The following CECR2 variants were observed in gnomAD, a reference collection of about 807,000 sequenced individuals.
CECR2 encodes the protein CECR2 histone acetyl-lysine reader.
A neutral mutation model predicts 154.5 loss-of-function variants in CECR2; 30 were observed. The ratio of observed to expected loss-of-function variants is 0.19; its 90% CI spans 0.15 to 0.26. CECR2 has a LOEUF of 0.26. Ranked by LOEUF, CECR2 falls within the 10% of genes least tolerant of loss-of-function variation. CECR2 has a pLI of 1.00. For missense variants in CECR2, 1,743 were observed against 1,829.3 expected (o/e 0.95, Z 0.86); for synonymous variants, 725 against 683.7 (o/e 1.06, Z -0.94).
At chr22:17,386,808 G>A (rs1479392441) in intron 1 of CECR2, among the ~76,000 whole-genome samples, 4 of 151,900 alleles carry the variant, frequency 2.6e-5, no homozygotes, top group East Asian at 3.9e-4. Context: ...ATGCCACCAC[G>A]CCCAGCTAAT....
intron 1 of CECR2, among the ~76,000 whole-genome samples, chr22:17,382,837 G>A (rs191342985): frequency 9.2e-5 from 14 of 152,242 alleles, no homozygotes; most frequent in Middle Eastern, 3.4e-3. Context: ...TCCAGGAGGC[G>A]GAGGTTGCAA....
Position 17,537,198 on chromosome 22 carries a change from T to A in CECR2, c.1204T>A (p.Ser402Thr). The A allele has an allele frequency of 1.2e-6, 2 of 1,613,626 alleles. No individual in the cohort carries two copies. Among genetic ancestry groups the A allele is most frequent in the Non-Finnish European group, 1.7e-6 (2 of 1,179,800 alleles). Residue 402 changes from serine to threonine, a missense_variant, in exon 10 of 19, where the codon TCC (serine) becomes ACC (threonine). Physicochemically the swap from Ser to Thr is moderately conservative, Grantham distance 58 (BLOSUM62 1). Around this residue, in one of 4 missense-constraint regions of CECR2, gnomAD observed 292 missense variants for 301.2 expected, o/e 0.97. Transcript: ENST00000262608. ...AGAACTTTCCCATCTGGACCCCAAT[T>A]CCCCCATGAGAGAGGAAAAAAAGAC... ...PPELSHLDPN[S>T]PMREEKKTKD... is the part of the protein sequence containing the mutation.
chr22:17,416,351 A>G (rs1263088022), intron 1 of CECR2, among the ~76,000 whole-genome samples: 1 of 152,054 alleles, frequency 6.6e-6, no homozygotes, highest in East Asian at 1.9e-4. Context: ...CTATACCTTT[A>G]TTGTCACTGA....
chr22:17,498,300 A>G (rs1367409113), intron 3 of CECR2, among the ~76,000 whole-genome samples: 3 of 152,128 alleles, frequency 2.0e-5, no homozygotes, highest in African/African-American at 7.2e-5. Flanking sequence ...CTGAGGCAGG[A>G]GAATGGCATG....
intron 1 of CECR2, among the ~76,000 whole-genome samples, chr22:17,382,054 A>T (rs1475869941): frequency 1.8e-4 from 27 of 146,176 alleles, no homozygotes; most frequent in Non-Finnish European, 3.1e-4. Context: ...CGCCCTGCTA[A>T]TTTTTTTTTT....
At chr22:17,514,803 T>C (rs548460431) in intron 8 of CECR2, among the ~76,000 whole-genome samples, 1 of 151,928 alleles carries the variant, frequency 6.6e-6, no homozygotes, top group South Asian at 2.1e-4. Context: ...GGAGGCCGAG[T>C]TGGGCAGATC....
In CECR2 at chr22:17,428,447, AAT is replaced by A. The variant is rs1417264747; in HGVS notation, c.127-49140_127-49139del. The A allele has an allele frequency of 2.3e-4, 35 of 152,108 alleles. 1 individual carries two copies. The East Asian group carries it at 6.4e-3, about 28-fold the overall frequency. 9.4% of individuals were successfully genotyped at this position (152,108 alleles called of 1,614,324 possible). The stretch of plus-strand genomic sequence containing the variant: ...AGTACTTACACAATGGCGGTAATTT[AAT>A]TTTTGGTCATTCATTCTTCAAAGAT... On this transcript the variant is annotated intron_variant, in intron 1 of 18. Coordinates refer to ENST00000262608, the MANE Select transcript of CECR2 (RefSeq NM_001290047.2).
chr22:17,539,567 A>T (rs2056489206), intron 13 of CECR2, among the ~76,000 whole-genome samples: 1 of 152,130 alleles, frequency 6.6e-6, no homozygotes, highest in Non-Finnish European at 1.5e-5. Context: ...CCTAATGTAA[A>T]TGACGAGTTA....
chr22:17,537,322 G>A, intron 10 of CECR2, 90 bp downstream of exon 10: 4 of 1,455,762 alleles, frequency 2.7e-6, no homozygotes, highest in East Asian at 2.3e-5. Context: ...CCTTAGAACA[G>A]CCCTGTTGGG....
chr22:17,448,495 A>G (rs950920413), intron 1 of CECR2, among the ~76,000 whole-genome samples: 3 of 152,176 alleles, frequency 2.0e-5, no homozygotes, highest in Non-Finnish European at 4.4e-5. Flanking sequence ...TTTCCTGATG[A>G]ATTCCCATTT....
chr22:17,365,308 C>A (rs2062996506), upstream of CECR2, among the ~76,000 whole-genome samples: 1 of 152,200 alleles, frequency 6.6e-6, no homozygotes, highest in Admixed American at 6.6e-5. Flanking sequence ...TTGTTCATCT[C>A]TTCCAAGGTT....
At chr22:17,406,542 T>G (rs940467980) in intron 1 of CECR2, among the ~76,000 whole-genome samples, 7 of 148,778 alleles carry the variant, frequency 4.7e-5, no homozygotes, top group Admixed American at 1.3e-4. Flanking sequence ...CACCCCTCCC[T>G]CCAAAAAAAA....
At chr22:17,406,938 T>TG (rs2053993427) in intron 1 of CECR2, among the ~76,000 whole-genome samples, 1 of 152,168 alleles carries the variant, frequency 6.6e-6, no homozygotes, top group Non-Finnish European at 1.5e-5. Context: ...AAATCCTTCT[T>TG]GAACACTGGT....
chr22:17,449,209 CT>C (rs200479515), intron 1 of CECR2, among the ~76,000 whole-genome samples: 4,777 of 152,084 alleles, frequency 0.031, 123 homozygotes, highest in South Asian at 0.13. Context: ...TGATAATGTT[CT>C]TTTTTCGGCC....
chr22:17,507,909 C>A (rs2055875464), intron 7 of CECR2, among the ~76,000 whole-genome samples: 1 of 152,128 alleles, frequency 6.6e-6, no homozygotes, highest in South Asian at 2.1e-4. Flanking sequence ...AGGGAGTTCT[C>A]ACAGAAGGAT....
chr22:17,473,931 TA>T lies in CECR2; in HGVS notation c.127-3656del, dbSNP rs1453458360. On this transcript the variant is annotated intron_variant, in intron 1 of 18. Transcript: ENST00000262608. ...TTCTTTTGTTCTGCAGGATTAAAAA[TA>T]GCTCTCCTGTTTCTTTCCTTGGCTG... Among the ~76,000 whole-genome samples, 7 of 152,364 alleles carry T rather than the reference TA, an allele frequency of 4.6e-5. No homozygotes were observed. The East Asian group carries it at 1.3e-3, about 29-fold the overall frequency.
chr22:17,503,236 A>G lies in CECR2; in HGVS notation c.700+105A>G, dbSNP rs528894673. The G allele has an allele frequency of 4.8e-5, 50 of 1,049,302 alleles. 1 individual carries two copies. Among genetic ancestry groups the G allele is most frequent in the South Asian group, 3.4e-4 (23 of 67,060 alleles). The allele number at this position is 1,049,302 out of a possible 1,614,324, so 65.0% of individuals were successfully genotyped here. A position where few individuals can be genotyped will look rare whatever the true frequency, so the allele number is the denominator to read the frequency against. ...GTCATACAAAGTAAAGGTTATTGCA[A>G]TAGCCTTTTACCTACCCCCTGTACT... On this transcript the variant is annotated intron_variant, in intron 6 of 18. Coordinates refer to ENST00000262608, the MANE Select transcript of CECR2 (RefSeq NM_001290047.2).
At chr22:17,372,902 A>T (rs2063077038) in intron 1 of CECR2, among the ~76,000 whole-genome samples, 1 of 152,152 alleles carries the variant, frequency 6.6e-6, no homozygotes, top group South Asian at 2.1e-4. Context: ...GAGGAAGCAG[A>T]GTCTTCAAGG....
intron 1 of CECR2, among the ~76,000 whole-genome samples, chr22:17,445,950 C>T (rs1359590543): frequency 6.6e-6 from 1 of 152,144 alleles, no homozygotes; most frequent in African/African-American, 2.4e-5. Context: ...ATAGCTGTTA[C>T]ACCATGTTGG....
Sources: allele counts gnomAD v4.1 joint callset (sites outside exome capture counted in the v4.1 genomes callset), GRCh38; gene constraint gnomAD v4.1.1; regional missense constraint gnomAD v4.1.1; transcripts MANE v1.5; gene names NCBI Gene and HGNC (gene_info 2026-07-23, HGNC 2026-07-21).